Variants in CSMD1 observed in about 807,000 individuals in gnomAD.
CSMD1 encodes the protein CUB and sushi domain-containing protein 1.
Under a neutral mutation model 417.5 loss-of-function variants are expected in CSMD1, and 213 were observed. The ratio of observed to expected loss-of-function variants is 0.51; its 90% CI spans 0.46 to 0.57. The LOEUF (loss-of-function observed/expected upper bound fraction) is 0.57, where lower values mean the gene tolerates loss of function less well. Ranked by LOEUF, CSMD1 falls within the 20% of genes least tolerant of loss-of-function variation. The pLI, the probability that CSMD1 is intolerant of heterozygous loss-of-function variation, is 0.00. For missense variants in CSMD1, 6,923 were observed against 4,529.7 expected (o/e 1.53, Z -15.17); for synonymous variants, 2,862 against 1,736.8 (o/e 1.65, Z -16.11).
At chr8:3,816,134 C>T (rs895819846) in intron 5 of CSMD1, among the ~76,000 whole-genome samples, 3 of 152,164 alleles carry the variant, frequency 2.0e-5, no homozygotes, top group African/African-American at 7.2e-5. Context: ...CAATCGCAGG[C>T]TCAGTCTCAA....
At chr8:4,641,203 C>G (rs1585377455) in intron 1 of CSMD1, among the ~76,000 whole-genome samples, 1 of 151,800 alleles carries the variant, frequency 6.6e-6, no homozygotes, top group Non-Finnish European at 1.5e-5. Context: ...GTTTTTGCTG[C>G]TATAATTCAA....
intron 7 of CSMD1, among the ~76,000 whole-genome samples, chr8:3,644,979 A>AT (rs556652571): frequency 6.7e-4 from 102 of 151,172 alleles, no homozygotes; most frequent in Middle Eastern, 6.8e-3. Context: ...AAAAAAAAAA[A>AT]AAAAAAAAAA....
intron 8 of CSMD1, among the ~76,000 whole-genome samples, chr8:3,605,982 G>T (rs1383665863): frequency 6.6e-6 from 1 of 152,000 alleles, no homozygotes; most frequent in Non-Finnish European, 1.5e-5. Context: ...CCTTGTGTGG[G>T]GTCCGGTCAT....
Position 3,540,558 on chromosome 8 carries a change from T to G in CSMD1, c.1344+34387A>C, listed in dbSNP as rs143649225. Reference sequence around the variant, plus strand: ...GGATCTAATTAAAGTAAAGAGCTTCTGCACGACAAAAGAAACTATCATCTG... The same window carrying G: ...GGATCTAATTAAAGTAAAGAGCTTCGGCACGACAAAAGAAACTATCATCTG... On this transcript the variant is annotated intron_variant, in intron 10 of 69. Transcript: ENST00000635120. Among the ~76,000 whole-genome samples, 8 of 152,302 alleles carry G rather than the reference T, an allele frequency of 5.3e-5. No individual in the cohort carries two copies. In the East Asian group the frequency reaches 1.4e-3, roughly 26 times the overall value.
At chr8:4,470,092 G>C (rs904473570) in intron 2 of CSMD1, among the ~76,000 whole-genome samples, 31 of 152,000 alleles carry the variant, frequency 2.0e-4, no homozygotes, top group African/African-American at 7.5e-4. Flanking sequence ...GGATGGTCTC[G>C]ATCTCCTGAT....
chr8:3,430,717 G>A (rs556405001), intron 12 of CSMD1, among the ~76,000 whole-genome samples: 1 of 152,118 alleles, frequency 6.6e-6, no homozygotes, highest in Non-Finnish European at 1.5e-5. Flanking sequence ...TGAGGCAAGA[G>A]GATCACCTGA....
intron 2 of CSMD1, among the ~76,000 whole-genome samples, chr8:4,462,984 T>G (rs1799929191): frequency 6.6e-6 from 1 of 152,140 alleles, no homozygotes; most frequent in African/African-American, 2.4e-5. Flanking sequence ...ACTTTGTATT[T>G]CAAAAAACAT....
chr8:4,205,355 G>C (rs1799914035), intron 3 of CSMD1, among the ~76,000 whole-genome samples: 1 of 152,176 alleles, frequency 6.6e-6, no homozygotes, highest in East Asian at 1.9e-4. Flanking sequence ...TGAGATAAAT[G>C]TCACAAGGGA....
At chr8:3,821,529 T>C (rs1395555761) in intron 5 of CSMD1, among the ~76,000 whole-genome samples, 1 of 152,102 alleles carries the variant, frequency 6.6e-6, no homozygotes, top group Non-Finnish European at 1.5e-5. Flanking sequence ...ACGCCTGTAA[T>C]CCCAGCACTT....
chr8:3,726,689 G>A (rs1230584954), intron 6 of CSMD1, among the ~76,000 whole-genome samples: 1 of 152,142 alleles, frequency 6.6e-6, no homozygotes, highest in African/African-American at 2.4e-5. Flanking sequence ...GTTTGTGAGT[G>A]GTACGAGGTG....
chr8:2,955,606 T>C lies in CSMD1; in HGVS notation c.9977A>G (p.Lys3326Arg). Reference sequence around the variant, plus strand: ...TGACTTACTTTTACACACAGGCGACTTTCCTGTCCATTTCATGTCTGCTTT... The same window carrying C: ...TGACTTACTTTTACACACAGGCGACCTTCCTGTCCATTTCATGTCTGCTTT... ...TCKADMKWTGKSPVCKSKGVR... is the reference protein window; with the variant it reads ...TCKADMKWTGRSPVCKSKGVR... The change falls in exon 64 of 70, where the codon AAG (lysine) becomes AGG (arginine). Residue 3326 changes from lysine to arginine, a missense_variant. Transcript: ENST00000635120. 6.2e-7 allele frequency: 1 copy of C among 1,613,690 alleles called. No homozygotes were observed. Among genetic ancestry groups the C allele is most frequent in the Non-Finnish European group, 8.5e-7 (1 of 1,179,710 alleles).
chr8:4,677,370 T>A (rs975629011), intron 1 of CSMD1, among the ~76,000 whole-genome samples: 9 of 152,044 alleles, frequency 5.9e-5, no homozygotes, highest in African/African-American at 2.2e-4. Flanking sequence ...TCTTGGATAA[T>A]GGGACAGAGT....
chr8:4,782,778 T>A (rs1217012596), intron 1 of CSMD1, among the ~76,000 whole-genome samples: 1 of 152,184 alleles, frequency 6.6e-6, no homozygotes, highest in Non-Finnish European at 1.5e-5. Flanking sequence ...AGTAATAGTT[T>A]CCAAGATTCC....
At chr8:4,794,968 G>C (rs13251256) in intron 1 of CSMD1, among the ~76,000 whole-genome samples, 49,304 of 150,184 alleles carry the variant, frequency 0.33, 8,720 homozygotes, top group Admixed American at 0.43. Context: ...GTGGAGTAAA[G>C]CCAGAGAAGA....
At chr8:4,356,527 G>A (rs1219801993) in intron 3 of CSMD1, among the ~76,000 whole-genome samples, 1 of 152,136 alleles carries the variant, frequency 6.6e-6, no homozygotes, top group Non-Finnish European at 1.5e-5. Flanking sequence ...TTCTTTTGTT[G>A]AAGTCTTAGA....
chr8:3,485,231 G>A (rs577224247), intron 11 of CSMD1, among the ~76,000 whole-genome samples: 1 of 152,160 alleles, frequency 6.6e-6, no homozygotes, highest in East Asian at 1.9e-4. Flanking sequence ...CAAAAAACGG[G>A]AGGAAACGAT....
chr8:4,070,662 C>CTATA (rs1799507018), intron 3 of CSMD1, among the ~76,000 whole-genome samples: 1 of 152,048 alleles, frequency 6.6e-6, no homozygotes, highest in Non-Finnish European at 1.5e-5. Context: ...CGGCCACCAC[C>CTATA]TATAACACTC....
At chr8:4,177,289 C>A (rs990701266) in intron 3 of CSMD1, among the ~76,000 whole-genome samples, 1 of 152,070 alleles carries the variant, frequency 6.6e-6, no homozygotes, top group Non-Finnish European at 1.5e-5. Context: ...CTCAAAACCG[C>A]TCAACTACAT....
chr8:3,284,037 A>T, intron 26 of CSMD1, 107 bp downstream of exon 26: 1 of 931,198 alleles, frequency 1.1e-6, no homozygotes, highest in Non-Finnish European at 1.7e-6. Context: ...AGGCTCAATA[A>T]ATTGCATCTG....
Sources: allele counts gnomAD v4.1 joint callset (sites outside exome capture counted in the v4.1 genomes callset), GRCh38; gene constraint gnomAD v4.1.1; transcripts MANE v1.5; gene names NCBI Gene and HGNC (gene_info 2026-07-23, HGNC 2026-07-21).